The following SYNE2 variants were observed in gnomAD, a reference collection of about 807,000 sequenced individuals.
SYNE2 encodes spectrin repeat containing nuclear envelope protein 2.
In SYNE2, 431 loss-of-function variants were observed where a neutral mutation model predicts 856.3. That is an observed-to-expected ratio of 0.50 (90% CI 0.47 to 0.55). The LOEUF is 0.55. SYNE2 is among the 20% of genes least tolerant of loss of function. The pLI, the probability that SYNE2 is intolerant of heterozygous loss-of-function variation, is 0.00. For missense variants in SYNE2, 8,129 were observed against 8,023.2 expected (o/e 1.01, Z -0.50); for synonymous variants, 2,923 against 2,872.3 (o/e 1.02, Z -0.56).
At chr14:63,914,254 G>A (rs1037209126) in intron 2 of SYNE2, among the ~76,000 whole-genome samples, 26 of 152,220 alleles carry the variant, frequency 1.7e-4, no homozygotes, top group African/African-American at 5.8e-4. Context: ...TAGGGGTAAT[G>A]TTGGATAAGT....
chr14:64,150,321 A>AAAAAAAAAAAAAAAAAAAAAG lies in SYNE2; in HGVS notation c.15640-2243_15640-2242insAAAAAAAAAAAAAAAAAAAAG, dbSNP rs766798501. Reference sequence around the variant, plus strand: ...AAAAAAAAAAAAAAAAAAAAAAAAAAGGATCCTCCCGCCTCAGCCTCTCAA... The same window carrying AAAAAAAAAAAAAAAAAAAAAG: ...AAAAAAAAAAAAAAAAAAAAAAAAAAAAAAAAAAAAAAAAAAAAAAGGGATCCTCCCGCCTCAGCCTCTCAA... On this transcript the variant is annotated intron_variant, in intron 84 of 115. Transcript: ENST00000555002. 1.7e-5 allele frequency among the ~76,000 whole-genome samples: 2 copies of AAAAAAAAAAAAAAAAAAAAAG among 119,418 alleles called. 1 individual carries two copies. The allele number at this position is 119,418 out of a possible 152,430, so 78.3% of individuals were successfully genotyped here. A position where few individuals can be genotyped will look rare whatever the true frequency, so the allele number is the denominator to read the frequency against.
chr14:63,893,108 T>C (rs1338032635), intron 1 of SYNE2, among the ~76,000 whole-genome samples: 1 of 152,138 alleles, frequency 6.6e-6, no homozygotes, highest in Non-Finnish European at 1.5e-5. Context: ...ATTAATTATA[T>C]GATTCTTATT....
At chr14:64,165,582 G>A (rs1020248552) in intron 90 of SYNE2, among the ~76,000 whole-genome samples, 172 bp downstream of exon 90, 5 of 150,198 alleles carry the variant, frequency 3.3e-5, no homozygotes, top group African/African-American at 1.2e-4. Flanking sequence ...GCACGATCTC[G>A]GCTCACTGCA....
chr14:64,051,022 A>G (rs1476520604), intron 47 of SYNE2, among the ~76,000 whole-genome samples: 4 of 147,510 alleles, frequency 2.7e-5, no homozygotes, highest in Non-Finnish European at 4.5e-5. Flanking sequence ...CTCTGCCTCA[A>G]AAAAAAAAAA....
intron 45 of SYNE2, among the ~76,000 whole-genome samples, chr14:64,042,397 A>G (rs562540707): frequency 1.2e-4 from 19 of 152,220 alleles, no homozygotes; most frequent in Non-Finnish European, 2.5e-4. Flanking sequence ...TTATTTTCTT[A>G]ATACAGAAAA....
intron 77 of SYNE2, among the ~76,000 whole-genome samples, chr14:64,133,255 T>C (rs1042451933): frequency 6.6e-6 from 1 of 151,948 alleles, no homozygotes; most frequent in African/African-American, 2.4e-5. Context: ...TAGTGTAATA[T>C]GGTGTTATTT....
At chr14:64,065,403 C>G in intron 50 of SYNE2, 29 bp from the exon 51 acceptor site, 3 of 1,596,106 alleles carry the variant, frequency 1.9e-6, no homozygotes, top group Non-Finnish European at 2.6e-6. Context: ...TAGTATGTCC[C>G]TCTTATTTTT....
chr14:64,127,411 A>C (rs1049350084), intron 73 of SYNE2, among the ~76,000 whole-genome samples: 21 of 152,324 alleles, frequency 1.4e-4, no homozygotes, highest in Non-Finnish European at 2.6e-4. Flanking sequence ...TCTCAAAAAA[A>C]GAAAAAAGTA....
chr14:64,113,404 C>T lies in SYNE2; in HGVS notation c.12673C>T (p.Pro4225Ser), dbSNP rs149296737. Residue 4225 changes from proline (P) to serine (S), a missense_variant, in exon 66 of 116, where the codon CCC becomes TCC. Pro to Ser is a moderately conservative substitution (Grantham distance 74). Coordinates refer to ENST00000555002, the MANE Select transcript of SYNE2 (RefSeq NM_182914.3). ...DSSDAQGGLE[P>S]RVEKTRPEPT... ...TTCTGACGCGCAAGGAGGTTTGGAG[C>T]CCAGGGTGGAGAAAACTAGGCCGGA... The T allele has an allele frequency of 9.4e-4, 1,514 of 1,614,132 alleles. 3 individuals carry two copies. Among genetic ancestry groups the T allele is most frequent in the Admixed American group, 1.3e-3 (79 of 60,014 alleles).
intron 112 of SYNE2, among the ~76,000 whole-genome samples, chr14:64,222,453 C>A (rs896703469): frequency 6.6e-6 from 1 of 152,094 alleles, no homozygotes; most frequent in African/African-American, 2.4e-5. Flanking sequence ...ACGGTGGCTC[C>A]CAGCACTTTG....
rs762521560 is a variant in SYNE2, at chr14:64,052,749, A to G, written c.8836A>G (p.Arg2946Gly). 6.2e-7 allele frequency: 1 copy of G among 1,612,804 alleles called. No homozygotes were observed. The highest frequency in any genetic ancestry group is 8.5e-7 in the Non-Finnish European group (1 of 1,179,388). Residue 2946 changes from arginine to glycine, a missense_variant, in exon 48 of 116, where the codon AGA (arginine) becomes GGA (glycine). Physicochemically the swap from Arg to Gly is moderately radical, Grantham distance 125. Transcript: ENST00000555002. ...AGTGGAACACAAGATAAAGTTTTGC[A>G]GACAATTCCATGAAAAAACATCAGC... Reference protein sequence around the residue: ...NEVEHKIKFCRQFHEKTSALQ... With the variant: ...NEVEHKIKFCGQFHEKTSALQ...
chr14:63,883,144 T>C (rs2094904614), intron 1 of SYNE2, among the ~76,000 whole-genome samples: 2 of 152,090 alleles, frequency 1.3e-5, no homozygotes, highest in Non-Finnish European at 2.9e-5. Flanking sequence ...CTGCAACCTC[T>C]GCCTCCCAGG....
intron 14 of SYNE2, 70 bp downstream of exon 14, chr14:63,979,084 G>A (rs1311830442): frequency 5.3e-6 from 8 of 1,515,724 alleles, no homozygotes; most frequent in Non-Finnish European, 7.3e-6. Flanking sequence ...TTTTTCCTTG[G>A]CATGATTTCC....
chr14:64,177,291 T>C (rs1033891639), intron 95 of SYNE2, 67 bp from the exon 96 acceptor site: 2 of 1,570,310 alleles, frequency 1.3e-6, no homozygotes, highest in Non-Finnish European at 1.8e-6. Context: ...TTAAATGAGC[T>C]ATTCTATTTC....
intron 50 of SYNE2, among the ~76,000 whole-genome samples, chr14:64,063,458 C>A (rs1245941715): frequency 6.6e-6 from 1 of 152,210 alleles, no homozygotes; most frequent in African/African-American, 2.4e-5. Flanking sequence ...AGCATCCTGT[C>A]CTCACTGATG....
At chr14:64,022,100 G>GC in intron 37 of SYNE2, 72 bp downstream of exon 37, 1 of 1,411,678 alleles carries the variant, frequency 7.1e-7, no homozygotes, top group Non-Finnish European at 1.0e-6. Context: ...GAACACAAAA[G>GC]CTAATCTAAG....
In SYNE2 at chr14:64,208,856, G is replaced by C; in HGVS notation, c.18300G>C (p.Glu6100Asp). 1 of 1,614,200 alleles carries C rather than the reference G, an allele frequency of 6.2e-7. No homozygotes were observed. The highest frequency in any genetic ancestry group is 1.1e-5 in the South Asian group (1 of 91,076). ...LLHDSDACANETECDSIQQTT... is the reference protein window; with the variant it reads ...LLHDSDACANDTECDSIQQTT... ...ACGACTCCGATGCCTGTGCAAATGA[G>C]ACCGAGTGTGACTCGATCCAGCAGA... The change falls in exon 101 of 116, where the codon GAG (glutamate) becomes GAC (aspartate). Residue 6100 changes from glutamate to aspartate, a missense_variant. Around this residue, in one of 3 missense-constraint regions of SYNE2, gnomAD observed 5,410 missense variants for 5,284.8 expected, o/e 1.02. Transcript: ENST00000555002.
In SYNE2 at chr14:64,021,507, A is replaced by C; in HGVS notation, c.5344A>C (p.Lys1782Gln). 6.2e-7 allele frequency: 1 copy of C among 1,614,122 alleles called. No homozygotes were observed. Among genetic ancestry groups the C allele is most frequent in the Admixed American group, 1.7e-5 (1 of 60,012 alleles). ...SPSDSLEIFTKLEEIQQQILQ... is the reference protein window; with the variant it reads ...SPSDSLEIFTQLEEIQQQILQ... ...TTCTGACAGCTTGGAGATCTTCACTAAACTAGAGGTGCTACCGAGCTGCTT... is the reference window on the plus strand; with the variant it reads ...TTCTGACAGCTTGGAGATCTTCACTCAACTAGAGGTGCTACCGAGCTGCTT... The change falls in exon 36 of 116, where the codon AAA (lysine) becomes CAA (glutamine). Residue 1782 changes from lysine to glutamine, a missense_variant. By Grantham distance (53) the Lys-to-Gln change is moderately conservative (BLOSUM62 1). This residue lies in a region of SYNE2 where 2,422 missense variants were observed against 2,357.4 expected (regional missense o/e 1.03). Coordinates refer to ENST00000555002, the MANE Select transcript of SYNE2 (RefSeq NM_182914.3).
intron 1 of SYNE2, among the ~76,000 whole-genome samples, chr14:63,799,804 A>G (rs1888061012): frequency 6.6e-6 from 1 of 152,212 alleles, no homozygotes; most frequent in African/African-American, 2.4e-5. Context: ...TCAGTGTCGC[A>G]CTTGAAAAAT....
Sources: allele counts gnomAD v4.1 joint callset (sites outside exome capture counted in the v4.1 genomes callset), GRCh38; gene constraint gnomAD v4.1.1; regional missense constraint gnomAD v4.1.1; transcripts MANE v1.5; gene names NCBI Gene and HGNC (gene_info 2026-07-23, HGNC 2026-07-21).